The following CCDC148 variants were observed in gnomAD, a reference collection of about 807,000 sequenced individuals.
CCDC148 encodes the protein coiled-coil domain containing 148.
In CCDC148, 89 loss-of-function variants were observed where a neutral mutation model predicts 85.7. The ratio of observed to expected loss-of-function variants is 1.04; its 90% confidence interval spans 0.87 to 1.24. CCDC148 has a LOEUF of 1.24. CCDC148 is among the 50% of genes most tolerant of loss of function. CCDC148 has a pLI of 0.00. For missense variants in CCDC148, 692 were observed against 671.7 expected (o/e 1.03, Z -0.33); for synonymous variants, 230 against 213.9 (o/e 1.08, Z -0.66).
chr2:158,177,841 T>C (rs1164439934), intron 12 of CCDC148, among the ~76,000 whole-genome samples: 2 of 152,140 alleles, frequency 1.3e-5, no homozygotes, highest in East Asian at 1.9e-4. Context: ...TAACATTTAC[T>C]AGCTGTGTGA....
intron 2 of CCDC148, among the ~76,000 whole-genome samples, chr2:158,353,473 A>C (rs558965222): frequency 0.17 from 26,267 of 150,522 alleles, 2,937 homozygotes; most frequent in Middle Eastern, 0.25. Context: ...ATCAAAAGAG[A>C]CAAAGAAGGC....
chr2:158,399,769 GGC>G lies in CCDC148; in HGVS notation c.26-41201_26-41200del, dbSNP rs1292972680. On this transcript the variant is annotated intron_variant, in intron 1 of 13. Coordinates refer to ENST00000283233, the MANE Select transcript of CCDC148 (RefSeq NM_138803.4). ...TATTCAACATAGTATTGGAAGTTCTGGCCAGGGCAATCAGGCAAGAGAATGAA... is the reference window on the plus strand; with the variant it reads ...TATTCAACATAGTATTGGAAGTTCTGCAGGGCAATCAGGCAAGAGAATGAA... Among the ~76,000 whole-genome samples the G allele has an allele frequency of 2.6e-5, 4 of 152,206 alleles. No individual in the cohort carries two copies. In the East Asian group the frequency reaches 7.7e-4, roughly 29 times the overall value.
intron 2 of CCDC148, among the ~76,000 whole-genome samples, chr2:158,346,975 A>G (rs533623616): frequency 2.8e-4 from 42 of 152,358 alleles, no homozygotes; most frequent in Non-Finnish European, 4.9e-4. Context: ...TAAGAGTGTT[A>G]CAATTATAAA....
chr2:158,350,660 C>A (rs1021805696), intron 2 of CCDC148, among the ~76,000 whole-genome samples: 1 of 152,112 alleles, frequency 6.6e-6, no homozygotes, highest in Non-Finnish European at 1.5e-5. Context: ...TCTCAAATAT[C>A]TAAAAATTGG....
intron 3 of CCDC148, among the ~76,000 whole-genome samples, chr2:158,341,675 C>A (rs1040802936): frequency 2.0e-5 from 3 of 151,978 alleles, no homozygotes; most frequent in African/African-American, 7.3e-5. Context: ...TCTAAATGGG[C>A]ATCCAAAAAT....
chr2:158,330,586 C>G (rs1413878344), intron 7 of CCDC148, among the ~76,000 whole-genome samples: 1 of 152,158 alleles, frequency 6.6e-6, no homozygotes. Flanking sequence ...AGGAATGGTA[C>G]CAGCTCCTCC....
chr2:158,351,633 G>C (rs1408767321), intron 2 of CCDC148, among the ~76,000 whole-genome samples: 1 of 152,198 alleles, frequency 6.6e-6, no homozygotes, highest in East Asian at 1.9e-4. Context: ...CTGCAAGGCG[G>C]CAGCGAGGCT....
Position 158,424,809 on chromosome 2 carries a change from G to C in CCDC148, c.25+31606C>G, listed in dbSNP as rs546901912. The C allele has an allele frequency of 2.7e-4, 54 of 202,412 alleles. 1 individual carries two copies. Among genetic ancestry groups the C allele is most frequent in the Admixed American group, 1.8e-3 (32 of 17,922 alleles). 12.5% of individuals were successfully genotyped at this position (202,412 alleles called of 1,614,324 possible). A position where few individuals can be genotyped will look rare whatever the true frequency, so the allele number is the denominator to read the frequency against. On this transcript the variant is annotated intron_variant, in intron 1 of 13. Coordinates refer to ENST00000283233, the MANE Select transcript of CCDC148 (RefSeq NM_138803.4). ...AAAACAAATTAAAGAATATATTGGAGCCTTTGGAAAGTTTGAAAATATTGA... is the reference window on the plus strand; with the variant it reads ...AAAACAAATTAAAGAATATATTGGACCCTTTGGAAAGTTTGAAAATATTGA...
chr2:158,221,148 G>A (rs1222789110), intron 10 of CCDC148, among the ~76,000 whole-genome samples: 1 of 152,156 alleles, frequency 6.6e-6, no homozygotes, highest in Non-Finnish European at 1.5e-5. Context: ...GTTTATTTAT[G>A]CTAATGGACA....
At chr2:158,263,634 A>C (rs1339336774) in intron 9 of CCDC148, among the ~76,000 whole-genome samples, 1 of 152,020 alleles carries the variant, frequency 6.6e-6, no homozygotes, top group East Asian at 1.9e-4. Flanking sequence ...TTTAATTTTA[A>C]TATCAGAGAT....
intron 9 of CCDC148, among the ~76,000 whole-genome samples, chr2:158,306,571 C>A (rs562464897): frequency 1.3e-5 from 2 of 151,314 alleles, no homozygotes; most frequent in Non-Finnish European, 2.9e-5. Flanking sequence ...AGCAAACTAT[C>A]ACAAGAACAA....
chr2:158,439,490 G>C (rs112801291), intron 1 of CCDC148, among the ~76,000 whole-genome samples: 6 of 152,044 alleles, frequency 3.9e-5, no homozygotes, highest in African/African-American at 9.7e-5. Flanking sequence ...GTGGCGGCAG[G>C]GGGGAGAGAT....
chr2:158,447,680 T>C (rs552675494), intron 1 of CCDC148, among the ~76,000 whole-genome samples: 2 of 152,360 alleles, frequency 1.3e-5, no homozygotes, highest in African/African-American at 4.8e-5. Flanking sequence ...CATGTGCTTA[T>C]TAATCATTTG....
rs772008293 is a variant in CCDC148 at position 158,172,233 on chromosome 2, G to A, written c.1656C>T (p.Phe552=). The A allele has an allele frequency of 5.6e-6, 9 of 1,606,480 alleles. No individual in the cohort carries two copies. The highest frequency in any genetic ancestry group is 1.3e-5 in the African/African-American group (1 of 74,668). ...GTCCAGCTTCTCGAAGTGCTAACTCGAAGCGAAGTCTAGGGTCAGAAATTA... is the reference window on the plus strand; with the variant it reads ...GTCCAGCTTCTCGAAGTGCTAACTCAAAGCGAAGTCTAGGGTCAGAAATTA... ...QQIISDPRLR[F]ELALREAGLH... The change falls in exon 14 of 14, where the codon TTC becomes TTT. Residue 552 remains phenylalanine, a synonymous_variant. Coordinates refer to ENST00000283233, the MANE Select transcript of CCDC148 (RefSeq NM_138803.4).
At chr2:158,378,873 A>G (rs1684758830) in intron 1 of CCDC148, among the ~76,000 whole-genome samples, 1 of 152,148 alleles carries the variant, frequency 6.6e-6, no homozygotes, top group Admixed American at 6.6e-5. Context: ...GTTATTCACA[A>G]TGCACCTCGT....
At chr2:158,307,582 G>A (rs1691754534) in intron 9 of CCDC148, among the ~76,000 whole-genome samples, 1 of 152,144 alleles carries the variant, frequency 6.6e-6, no homozygotes, top group Non-Finnish European at 1.5e-5. Flanking sequence ...GAATGTATAT[G>A]TCCAACAAAA....
chr2:158,351,844 G>A lies in CCDC148; in HGVS notation c.148-6526C>T, dbSNP rs1683317401. On this transcript the variant is annotated intron_variant, in intron 2 of 13. Transcript: ENST00000283233. ...TGTCCCTGTCTGACAGCTTTGAAGA[G>A]AGCAGTGGTTCTCCCAGCACACAGC... Among the ~76,000 whole-genome samples, 3 of 151,076 alleles carry A rather than the reference G, an allele frequency of 2.0e-5. No individual in the cohort carries two copies. In the Middle Eastern group the frequency reaches 0.01, roughly 514 times the overall value.
intron 10 of CCDC148, among the ~76,000 whole-genome samples, chr2:158,231,846 A>C (rs1454615619): frequency 6.6e-6 from 1 of 152,156 alleles, no homozygotes; most frequent in Non-Finnish European, 1.5e-5. Context: ...GGTAAAGGCC[A>C]AACTAAGTAC....
At chr2:158,293,225 G>A (rs59213635) in intron 9 of CCDC148, among the ~76,000 whole-genome samples, 3,932 of 152,166 alleles carry the variant, frequency 0.026, 67 homozygotes, top group South Asian at 0.052. Flanking sequence ...TATGGGGGGT[G>A]GGGGAGAAGC....
Sources: gnomAD v4.1 joint callset for allele counts (sites outside exome capture counted in the v4.1 genomes callset) on GRCh38, gnomAD v4.1.1 for gene constraint, MANE v1.5 for transcripts, NCBI Gene and HGNC (gene_info 2026-07-23, HGNC 2026-07-21) for gene names.